The following THSD4 variants were observed in gnomAD, a reference collection of about 807,000 sequenced individuals.
The protein encoded by THSD4 is thrombospondin type-1 domain-containing protein 4.
A neutral mutation model predicts 119.0 loss-of-function variants in THSD4; 69 were observed. The observed-to-expected ratio is 0.58, with a 90% CI of 0.48 to 0.71. The LOEUF (loss-of-function observed/expected upper bound fraction) is 0.71, where lower values mean the gene tolerates loss of function less well. Among genes scored for constraint, THSD4 ranks in the 30% least tolerant of loss-of-function variants. The pLI, the probability that THSD4 is intolerant of heterozygous loss-of-function variation, is 0.00. For synonymous variants in THSD4, 524 were observed against 540.4 expected, an observed-to-expected ratio of 0.97 and a Z score of 0.42; for missense variants, 1,393 against 1,391.1, an observed-to-expected ratio of 1.00 and a Z score of -0.02.
At chr15:71,467,844 G>GT (rs1401978279) in intron 7 of THSD4, among the ~76,000 whole-genome samples, 1 of 13,264 alleles carries the variant, frequency 7.5e-5, no homozygotes, top group Admixed American at 1.2e-3. Context: ...GAGATATGAT[G>GT]GTTTTTTTTT....
intron 3 of THSD4, among the ~76,000 whole-genome samples, chr15:71,211,937 A>C (rs1389483484): frequency 6.6e-6 from 1 of 152,142 alleles, no homozygotes; most frequent in East Asian, 1.9e-4. Context: ...AGTTCGTCCT[A>C]ATTTTAGGAA....
chr15:71,773,362 G>T (rs1415954032), intron 17 of THSD4, among the ~76,000 whole-genome samples: 2 of 152,146 alleles, frequency 1.3e-5, no homozygotes, highest in Non-Finnish European at 2.9e-5. Context: ...ACTGGCATAA[G>T]CAAATCAGGT....
chr15:71,690,995 G>C (rs138147859), intron 8 of THSD4, among the ~76,000 whole-genome samples: 1 of 152,350 alleles, frequency 6.6e-6, no homozygotes, highest in East Asian at 1.9e-4. Context: ...GTGATGGAAA[G>C]ATTACCCTGG....
At chr15:71,548,237 C>T (rs541794209) in intron 7 of THSD4, among the ~76,000 whole-genome samples, 3 of 152,074 alleles carry the variant, frequency 2.0e-5, no homozygotes, top group Non-Finnish European at 2.9e-5. Context: ...AAGCCTGCAA[C>T]GTATTTCCCT....
intron 8 of THSD4, among the ~76,000 whole-genome samples, chr15:71,696,892 C>T (rs2052176005): frequency 6.6e-6 from 1 of 152,144 alleles, no homozygotes; most frequent in South Asian, 2.1e-4. Flanking sequence ...TAAAACCACT[C>T]CCAGCCACAA....
At chr15:71,532,951 G>A (rs2140819336) in intron 7 of THSD4, among the ~76,000 whole-genome samples, 1 of 152,308 alleles carries the variant, frequency 6.6e-6, no homozygotes, top group Non-Finnish European at 1.5e-5. Context: ...CATTTAGGCA[G>A]AGAGTGAACA....
chr15:71,554,133 A>G (rs1235125703), intron 7 of THSD4, among the ~76,000 whole-genome samples: 1 of 139,462 alleles, frequency 7.2e-6, no homozygotes, highest in African/African-American at 2.6e-5. Context: ...TCTGTCGCCC[A>G]GGCTGGAGTG....
intron 4 of THSD4, among the ~76,000 whole-genome samples, chr15:71,216,077 G>A (rs1184053661): frequency 6.6e-6 from 1 of 152,252 alleles, no homozygotes; most frequent in Non-Finnish European, 1.5e-5. Flanking sequence ...AGAAGAGCTT[G>A]TCAGTGAGTG....
At chr15:71,767,868 A>G (rs1487371260) in intron 16 of THSD4, among the ~76,000 whole-genome samples, 1 of 152,192 alleles carries the variant, frequency 6.6e-6, no homozygotes, top group East Asian at 1.9e-4. Context: ...CTCATGTCCA[A>G]AGCATCCCAG....
chr15:71,280,965 A>G (rs367833391), intron 6 of THSD4, among the ~76,000 whole-genome samples: 4 of 152,236 alleles, frequency 2.6e-5, no homozygotes, highest in African/African-American at 7.2e-5. Flanking sequence ...CAATGTTTCT[A>G]CAATTGAACT....
chr15:71,239,128 A>G (rs2044131058), intron 4 of THSD4, among the ~76,000 whole-genome samples: 1 of 152,222 alleles, frequency 6.6e-6, no homozygotes, highest in African/African-American at 2.4e-5. Context: ...ACTCTGTGTG[A>G]AGCATTAGGT....
At chr15:71,729,684 T>TA (rs2052934581) in intron 9 of THSD4, 1 of 151,954 alleles carries the variant, frequency 6.6e-6, no homozygotes, top group Admixed American at 6.6e-5. Flanking sequence ...GCATCAGAGG[T>TA]AAAAACTCAG....
Position 71,389,810 on chromosome 15 carries a change from GT to G in THSD4, c.1016-21860del, listed in dbSNP as rs556682631. On this transcript the variant is annotated intron_variant, in intron 6 of 17. Transcript: ENST00000261862. ...GCCAACACTTGCTATTTTCTGGGTT[GT>G]TTTTTTTTTTTTTTTTGACACAGAG... is the stretch of plus-strand genomic sequence containing the variant. Among the ~76,000 whole-genome samples, 53 of 88,026 alleles carry G rather than the reference GT, an allele frequency of 6.0e-4. 1 individual carries two copies. Among genetic ancestry groups the G allele is most frequent in the East Asian group, 5.8e-3 (20 of 3,436 alleles). The allele number at this position is 88,026 out of a possible 152,430, so 57.7% of individuals were successfully genotyped here.
intron 4 of THSD4, among the ~76,000 whole-genome samples, chr15:71,235,530 G>T (rs1418585282): frequency 6.8e-6 from 1 of 147,906 alleles, no homozygotes; most frequent in Non-Finnish European, 1.5e-5. Context: ...ATTTATTTCT[G>T]TTTCTGTAGC....
intron 3 of THSD4, among the ~76,000 whole-genome samples, chr15:71,173,507 G>C (rs761198973): frequency 1.5e-4 from 22 of 150,714 alleles, no homozygotes; most frequent in Non-Finnish European, 2.5e-4. Flanking sequence ...TTGGTGTAAA[G>C]GTAGGCAAAT....
chr15:71,517,273 T>C (rs2048374678), intron 7 of THSD4, among the ~76,000 whole-genome samples: 1 of 152,048 alleles, frequency 6.6e-6, no homozygotes, highest in South Asian at 2.1e-4. Context: ...CTCAGGGCTG[T>C]CTCTTCTTCC....
intron 6 of THSD4, among the ~76,000 whole-genome samples, chr15:71,377,895 C>CACACACACAA (rs2046167393): frequency 1.2e-5 from 1 of 86,144 alleles, no homozygotes; most frequent in Non-Finnish European, 2.4e-5. Context: ...CACACACACA[C>CACACACACAA]ACACACACAC....
chr15:71,774,630 A>C (rs574995947), intron 17 of THSD4, among the ~76,000 whole-genome samples: 4 of 152,138 alleles, frequency 2.6e-5, no homozygotes, highest in South Asian at 4.1e-4. Flanking sequence ...AGGGGCACAC[A>C]CATGCAAAGA....
intron 8 of THSD4, among the ~76,000 whole-genome samples, chr15:71,679,139 C>T (rs771991407): frequency 1.2e-4 from 18 of 152,190 alleles, no homozygotes; most frequent in Non-Finnish European, 2.4e-4. Context: ...TACATGGCCC[C>T]TTCCCTGAAA....
Sources: gnomAD v4.1 joint callset for allele counts (sites outside exome capture counted in the v4.1 genomes callset) on GRCh38, gnomAD v4.1.1 for gene constraint, MANE v1.5 for transcripts, NCBI Gene and HGNC (gene_info 2026-07-23, HGNC 2026-07-21) for gene names.